The following BTBD10 variants were observed in gnomAD, a reference collection of about 807,000 sequenced individuals.
The protein encoded by BTBD10 is BTB/POZ domain-containing protein 10.
Under a neutral mutation model 53.2 loss-of-function variants are expected in BTBD10, and 21 were observed. The ratio of observed to expected loss-of-function variants is 0.39; its 90% confidence interval spans 0.28 to 0.57. The LOEUF is 0.57. BTBD10 is among the 20% of genes least tolerant of loss of function. BTBD10 has a pLI of 0.53. For missense variants in BTBD10, 360 were observed against 594.7 expected, an observed-to-expected ratio of 0.61 and a Z score of 4.10; for synonymous variants, 149 against 192.7, an observed-to-expected ratio of 0.77 and a Z score of 1.88.
chr11:13,389,173 A>G (rs956138191), intron 8 of BTBD10, 32 bp from the exon 9 acceptor site: 4 of 1,562,038 alleles, frequency 2.6e-6, no homozygotes, highest in African/African-American at 1.4e-5. Context: ...AAAACTGAGG[A>G]GACACACACA....
At chr11:13,422,212 G>A (rs1950257039) in intron 2 of BTBD10, among the ~76,000 whole-genome samples, 1 of 152,102 alleles carries the variant, frequency 6.6e-6, no homozygotes, top group Non-Finnish European at 1.5e-5. Context: ...AAGAGCTTTT[G>A]GAACTCTTAA....
At chr11:13,442,027 A>G (rs1950662265) in intron 2 of BTBD10, among the ~76,000 whole-genome samples, 1 of 152,158 alleles carries the variant, frequency 6.6e-6, no homozygotes, top group South Asian at 2.1e-4. Flanking sequence ...ATCTGGAACT[A>G]CAATATCCAC....
chr11:13,447,413 T>C (rs1203217017), intron 1 of BTBD10, among the ~76,000 whole-genome samples: 2 of 152,216 alleles, frequency 1.3e-5, no homozygotes, highest in Admixed American at 1.3e-4. Context: ...AACATATCTT[T>C]GAAGAGCATT....
chr11:13,400,749 T>C (rs1329235689), intron 8 of BTBD10, among the ~76,000 whole-genome samples: 1 of 152,230 alleles, frequency 6.6e-6, no homozygotes, highest in Non-Finnish European at 1.5e-5. Flanking sequence ...GGACTAAGCC[T>C]TTAATCTAAC....
chr11:13,443,249 CA>C (rs1162241407), intron 2 of BTBD10, among the ~76,000 whole-genome samples: 226 of 122,952 alleles, frequency 1.8e-3, no homozygotes, highest in African/African-American at 2.2e-3. Context: ...GAACCCATTT[CA>C]AAAAAAAAAA....
Position 13,421,880 on chromosome 11 carries a change from T to A in BTBD10, c.102-42A>T, listed in dbSNP as rs764822347. 21 of 1,476,692 alleles carry A rather than the reference T, an allele frequency of 1.4e-5. No homozygotes were observed. The Admixed American group carries it at 3.3e-4, about 23-fold the overall frequency. The allele number at this position is 1,476,692 out of a possible 1,614,324, so 91.5% of individuals were successfully genotyped here. A position where few individuals can be genotyped will look rare whatever the true frequency, so the allele number is the denominator to read the frequency against. ...GAAAATTAACCATAAAAGCAGAACA[T>A]AAGATTGGAAACATTTTAAAAGAAA... On this transcript the variant is annotated intron_variant, in intron 2 of 8. Transcript: ENST00000278174.
chr11:13,410,756 G>C (rs1949925083), intron 6 of BTBD10, among the ~76,000 whole-genome samples: 1 of 152,132 alleles, frequency 6.6e-6, no homozygotes, highest in Non-Finnish European at 1.5e-5. Context: ...TTTATTATAA[G>C]TTAGCACTTA....
chr11:13,423,833 G>A (rs1254417766), intron 2 of BTBD10, among the ~76,000 whole-genome samples: 1 of 152,076 alleles, frequency 6.6e-6, no homozygotes, highest in Non-Finnish European at 1.5e-5. Context: ...TATCCTGAAA[G>A]TTACTTCTAA....
chr11:13,390,038 C>T (rs895601612), intron 8 of BTBD10, among the ~76,000 whole-genome samples: 1 of 152,068 alleles, frequency 6.6e-6, no homozygotes, highest in Admixed American at 6.5e-5. Flanking sequence ...CTAATATTAC[C>T]TTCCTCTTTT....
chr11:13,414,547 G>A (rs181819254), intron 5 of BTBD10, among the ~76,000 whole-genome samples: 11 of 151,966 alleles, frequency 7.2e-5, no homozygotes, highest in African/African-American at 1.5e-4. Flanking sequence ...CCAGCTACTC[G>A]GGAGGCTGAG....
intron 8 of BTBD10, among the ~76,000 whole-genome samples, chr11:13,400,296 C>G (rs1405160789): frequency 6.6e-6 from 1 of 152,236 alleles, no homozygotes; most frequent in Non-Finnish European, 1.5e-5. Flanking sequence ...TGATCTCAGA[C>G]TGCTGTGCTA....
At chr11:13,413,817 T>C (rs1041551971) in intron 5 of BTBD10, among the ~76,000 whole-genome samples, 167 bp from the exon 6 acceptor site, 2 of 152,172 alleles carry the variant, frequency 1.3e-5, no homozygotes, top group South Asian at 2.1e-4. Flanking sequence ...CTAACTACTT[T>C]TTCATTTTAC....
intron 8 of BTBD10, among the ~76,000 whole-genome samples, chr11:13,402,253 C>T (rs1300365691): frequency 6.6e-6 from 1 of 152,228 alleles, no homozygotes; most frequent in East Asian, 1.9e-4. Context: ...TATTCTCCAA[C>T]AGTTCAATCA....
intron 6 of BTBD10, among the ~76,000 whole-genome samples, chr11:13,412,315 T>C (rs1949974379): frequency 6.6e-6 from 1 of 151,840 alleles, no homozygotes; most frequent in Non-Finnish European, 1.5e-5. Context: ...TAGCCAGGTG[T>C]GGTGATGGGT....
At chr11:13,457,091 G>A (rs1328866142) in intron 1 of BTBD10, among the ~76,000 whole-genome samples, 1 of 152,090 alleles carries the variant, frequency 6.6e-6, no homozygotes, top group African/African-American at 2.4e-5. Flanking sequence ...AAGCCTGAGA[G>A]GTGAAGGCTG....
intron 8 of BTBD10, among the ~76,000 whole-genome samples, chr11:13,398,680 C>G (rs556460631): frequency 6.6e-6 from 1 of 152,216 alleles, no homozygotes; most frequent in Non-Finnish European, 1.5e-5. Context: ...GTGGCTGGTA[C>G]TGGTTGTTCC....
chr11:13,400,580 G>C (rs1339027407), intron 8 of BTBD10, among the ~76,000 whole-genome samples: 12 of 152,210 alleles, frequency 7.9e-5, no homozygotes, highest in Admixed American at 7.8e-4. Flanking sequence ...GCACTCCCCA[G>C]TGAGATGAAC....
At chr11:13,396,452 G>A (rs943619903) in intron 8 of BTBD10, among the ~76,000 whole-genome samples, 5 of 152,126 alleles carry the variant, frequency 3.3e-5, no homozygotes, top group African/African-American at 1.2e-4. Flanking sequence ...TGAGACAATG[G>A]GGTTTTCTAG....
intron 8 of BTBD10, among the ~76,000 whole-genome samples, chr11:13,398,352 C>A (rs932825679): frequency 2.0e-5 from 3 of 152,004 alleles, no homozygotes; most frequent in East Asian, 1.9e-4. Flanking sequence ...TTATCAGAGA[C>A]TAGGATTGAA....
Sources: allele counts gnomAD v4.1 joint callset (sites outside exome capture counted in the v4.1 genomes callset), GRCh38; gene constraint gnomAD v4.1.1; transcripts MANE v1.5; gene names NCBI Gene and HGNC (gene_info 2026-07-23, HGNC 2026-07-21).